Variants in SORCS2 observed in about 807,000 individuals in gnomAD.
SORCS2 encodes VPS10 domain-containing receptor SorCS2.
In SORCS2, 100 loss-of-function variants were observed where a neutral mutation model predicts 141.6. The observed-to-expected ratio is 0.71, with a 90% CI of 0.60 to 0.83. The LOEUF is 0.83. Among genes scored for constraint, SORCS2 ranks in the 40% least tolerant of loss-of-function variants. The pLI is 0.00. For missense variants in SORCS2, 1,646 were observed against 1,560.2 expected, an observed-to-expected ratio of 1.05 and a Z score of -0.93; for synonymous variants, 789 against 676.9, an observed-to-expected ratio of 1.17 and a Z score of -2.57.
intron 1 of SORCS2, among the ~76,000 whole-genome samples, chr4:7,252,906 T>A (rs1272358820): frequency 1.3e-5 from 2 of 152,234 alleles, no homozygotes; most frequent in African/African-American, 4.8e-5. Flanking sequence ...AAAATCCCCC[T>A]TAGCTGGCTG....
intron 4 of SORCS2, 62 bp downstream of exon 4, chr4:7,638,554 A>G: frequency 6.6e-7 from 1 of 1,524,288 alleles, no homozygotes; most frequent in South Asian, 1.2e-5. Flanking sequence ...ACCCACCTGG[A>G]GGTGAGTGCC....
intron 2 of SORCS2, among the ~76,000 whole-genome samples, chr4:7,441,008 G>A (rs1057464357): frequency 4.6e-5 from 7 of 152,180 alleles, no homozygotes; most frequent in East Asian, 1.9e-4. Context: ...CGTGGGGGAA[G>A]GTGGAGATTT....
chr4:7,338,301 T>G (rs190184016), intron 1 of SORCS2, among the ~76,000 whole-genome samples: 4 of 146,530 alleles, frequency 2.7e-5, no homozygotes, highest in Non-Finnish European at 6.0e-5. Flanking sequence ...GATGGATGGA[T>G]GGATGGATGG....
At chr4:7,371,968 G>A (rs566486450) in intron 1 of SORCS2, among the ~76,000 whole-genome samples, 36 of 152,338 alleles carry the variant, frequency 2.4e-4, no homozygotes, top group African/African-American at 7.9e-4. Flanking sequence ...GGGGGAGTGA[G>A]GGAAGATGCC....
At chr4:7,394,405 GGA>G (rs1491377142) in intron 1 of SORCS2, among the ~76,000 whole-genome samples, 2 of 143,620 alleles carry the variant, frequency 1.4e-5, no homozygotes, top group Admixed American at 1.4e-4. Flanking sequence ...CGGCAGGGTT[GGA>G]GGGGGGGTGT....
At chr4:7,414,726 A>T (rs1021479977) in intron 2 of SORCS2, among the ~76,000 whole-genome samples, 1 of 152,246 alleles carries the variant, frequency 6.6e-6, no homozygotes, top group African/African-American at 2.4e-5. Context: ...GAGCAACGGT[A>T]CCAGGTGCAA....
intron 3 of SORCS2, among the ~76,000 whole-genome samples, chr4:7,559,472 G>T (rs1714374206): frequency 6.6e-6 from 1 of 152,150 alleles, no homozygotes; most frequent in Admixed American, 6.5e-5. Context: ...GACCCCGTTG[G>T]TGGGTGTGTG....
intron 1 of SORCS2, among the ~76,000 whole-genome samples, chr4:7,386,032 A>G (rs1001691890): frequency 6.6e-6 from 1 of 152,222 alleles, no homozygotes; most frequent in Non-Finnish European, 1.5e-5. Flanking sequence ...CACTTTGCCA[A>G]GTGGAGCAGC....
At chr4:7,700,111 C>G (rs1049271267) in intron 12 of SORCS2, among the ~76,000 whole-genome samples, 1 of 152,240 alleles carries the variant, frequency 6.6e-6, no homozygotes, top group Non-Finnish European at 1.5e-5. Flanking sequence ...CTCCTGCCCT[C>G]CAGGCCTTTG....
intron 3 of SORCS2, among the ~76,000 whole-genome samples, chr4:7,573,910 G>A (rs140067126): frequency 6.6e-6 from 1 of 152,298 alleles, no homozygotes; most frequent in Non-Finnish European, 1.5e-5. Flanking sequence ...CGCTGTGCTT[G>A]GGAAGCAGCA....
intron 3 of SORCS2, among the ~76,000 whole-genome samples, chr4:7,584,708 G>A (rs369076770): frequency 1.3e-5 from 2 of 152,110 alleles, no homozygotes; most frequent in East Asian, 3.9e-4. Flanking sequence ...GGGCTCAGCT[G>A]GGGGGAGGTT....
intron 2 of SORCS2, among the ~76,000 whole-genome samples, chr4:7,455,077 C>T (rs1294988166): frequency 1.1e-5 from 1 of 90,148 alleles, no homozygotes; most frequent in Non-Finnish European, 2.2e-5. Flanking sequence ...GGGTCAGCTG[C>T]TGTGTTGGGG....
intron 8 of SORCS2, among the ~76,000 whole-genome samples, chr4:7,670,771 G>A (rs907777909): frequency 2.7e-5 from 4 of 150,258 alleles, no homozygotes. Flanking sequence ...AGGCAAATGT[G>A]CGTGTGTCCC....
At chr4:7,441,002 G>T (rs1727625519) in intron 2 of SORCS2, among the ~76,000 whole-genome samples, 1 of 152,196 alleles carries the variant, frequency 6.6e-6, no homozygotes, top group African/African-American at 2.4e-5. Context: ...TGAGACCGTG[G>T]GGGAAGGTGG....
At chr4:7,504,749 A>T (rs775463701) in intron 2 of SORCS2, among the ~76,000 whole-genome samples, 7 of 152,136 alleles carry the variant, frequency 4.6e-5, no homozygotes, top group Non-Finnish European at 8.8e-5. Flanking sequence ...CCGCATTTTC[A>T]TTTTGTCTTG....
chr4:7,259,158 T>C (rs575867603), intron 1 of SORCS2, among the ~76,000 whole-genome samples: 1 of 152,364 alleles, frequency 6.6e-6, no homozygotes, highest in East Asian at 1.9e-4. Context: ...GTTTTGGCTT[T>C]TGTTGCCACC....
chr4:7,547,217 C>T (rs937337067), intron 3 of SORCS2, among the ~76,000 whole-genome samples: 1 of 152,166 alleles, frequency 6.6e-6, no homozygotes, highest in Non-Finnish European at 1.5e-5. Context: ...AGTCTTAATA[C>T]TGGGCCTGTC....
At chr4:7,499,186 A>ATG (rs1284294191) in intron 2 of SORCS2, among the ~76,000 whole-genome samples, 1 of 151,922 alleles carries the variant, frequency 6.6e-6, no homozygotes, top group African/African-American at 2.4e-5. Context: ...ATGTGTATGC[A>ATG]TGTGTGTGTA....
intron 1 of SORCS2, among the ~76,000 whole-genome samples, chr4:7,386,630 C>T (rs1486365790): frequency 1.3e-5 from 2 of 150,800 alleles, no homozygotes; most frequent in Non-Finnish European, 2.9e-5. Context: ...TACACATGAA[C>T]ACATGCACAC....
Sources: allele counts gnomAD v4.1 joint callset (sites outside exome capture counted in the v4.1 genomes callset), GRCh38; gene constraint gnomAD v4.1.1; transcripts MANE v1.5; gene names NCBI Gene and HGNC (gene_info 2026-07-23, HGNC 2026-07-21).